The following TMEM132B variants were observed in gnomAD, a reference collection of about 807,000 sequenced individuals.
The protein encoded by TMEM132B is transmembrane protein 132B.
A neutral mutation model predicts 90.8 loss-of-function variants in TMEM132B; 18 were observed. The ratio of observed to expected loss-of-function variants is 0.20; its 90% CI spans 0.14 to 0.29. TMEM132B has a LOEUF of 0.29. Ranked by LOEUF, TMEM132B falls within the 10% of genes least tolerant of loss-of-function variation. The pLI, the probability that TMEM132B is intolerant of heterozygous loss-of-function variation, is 1.00. For missense variants in TMEM132B, 1,096 were observed against 1,326.8 expected (o/e 0.83, Z 2.70); for synonymous variants, 504 against 523.3 (o/e 0.96, Z 0.50).
rs142810353 is a variant in TMEM132B, at chr12:125,653,840, C to T, written c.2382C>T (p.Phe794=). ...AVGKGNVKVK[F]EPSSDEHQGG... is the part of the protein sequence containing the mutation. The stretch of plus-strand genomic sequence containing the variant: ...GTAAAGGAAATGTCAAGGTCAAATT[C>T]GAACCAAGTAGTGATGAGCACCAAG... Residue 794 remains phenylalanine (F), a synonymous_variant, in exon 9 of 9, where the codon TTC becomes TTT. Coordinates refer to ENST00000682704, the MANE Select transcript of TMEM132B (RefSeq NM_001366854.1). The T allele has an allele frequency of 1.4e-3, 2,266 of 1,614,052 alleles. 3 individuals are homozygous for T. The highest frequency in any genetic ancestry group is 1.7e-3 in the Non-Finnish European group (2,049 of 1,180,028).
chr12:125,513,776 T>G (rs1362557825), intron 3 of TMEM132B, among the ~76,000 whole-genome samples: 1 of 152,234 alleles, frequency 6.6e-6, no homozygotes, highest in African/African-American at 2.4e-5. Context: ...ATTTTGAAAT[T>G]TAAGGTGACC....
intron 5 of TMEM132B, among the ~76,000 whole-genome samples, chr12:125,627,631 G>T (rs981883101): frequency 6.6e-6 from 1 of 151,960 alleles, no homozygotes; most frequent in African/African-American, 2.4e-5. Context: ...AGAATGGGAT[G>T]CCCATCCCCT....
intron 3 of TMEM132B, among the ~76,000 whole-genome samples, chr12:125,428,026 C>G (rs1014393017): frequency 6.6e-6 from 1 of 150,442 alleles, no homozygotes; most frequent in Non-Finnish European, 1.5e-5. Context: ...GGAAGAAGGT[C>G]TCTCTGTGTT....
chr12:125,312,824 A>G (rs541948263), intron 1 of TMEM132B, among the ~76,000 whole-genome samples: 2 of 152,202 alleles, frequency 1.3e-5, no homozygotes, highest in South Asian at 2.1e-4. Context: ...CTTCTGTGCT[A>G]TTGAGGAGTT....
intron 2 of TMEM132B, among the ~76,000 whole-genome samples, chr12:125,391,776 GT>G (rs1330789709): frequency 6.6e-6 from 1 of 152,090 alleles, no homozygotes; most frequent in Non-Finnish European, 1.5e-5. Flanking sequence ...TAATTAATTA[GT>G]TTTTTGAGAC....
intron 5 of TMEM132B, among the ~76,000 whole-genome samples, chr12:125,597,943 G>A (rs1461025544): frequency 6.6e-6 from 1 of 152,176 alleles, no homozygotes; most frequent in Non-Finnish European, 1.5e-5. Flanking sequence ...CACCATAAAT[G>A]TGATCTTTAG....
intron 1 of TMEM132B, among the ~76,000 whole-genome samples, chr12:125,267,379 C>T (rs920963431): frequency 2.6e-5 from 4 of 152,150 alleles, no homozygotes; most frequent in African/African-American, 9.7e-5. Flanking sequence ...ATCACTTTGG[C>T]TCATGTCCCA....
chr12:125,578,347 A>G (rs1373113758), intron 4 of TMEM132B, among the ~76,000 whole-genome samples: 1 of 152,158 alleles, frequency 6.6e-6, no homozygotes, highest in African/African-American at 2.4e-5. Flanking sequence ...TTTATACAAC[A>G]TTCATCTTTG....
At chr12:125,558,200 T>C (rs1352701658) in intron 4 of TMEM132B, among the ~76,000 whole-genome samples, 1 of 152,184 alleles carries the variant, frequency 6.6e-6, no homozygotes, top group Non-Finnish European at 1.5e-5. Flanking sequence ...TGAGTGAATC[T>C]GCTAGGTGAC....
At chr12:125,435,462 C>T (rs1880672851) in intron 3 of TMEM132B, among the ~76,000 whole-genome samples, 1 of 152,130 alleles carries the variant, frequency 6.6e-6, no homozygotes, top group South Asian at 2.1e-4. Context: ...ACACATCCTC[C>T]CTGGTCGCCA....
intron 3 of TMEM132B, among the ~76,000 whole-genome samples, chr12:125,489,861 C>T (rs1162620885): frequency 6.6e-6 from 1 of 152,128 alleles, no homozygotes; most frequent in East Asian, 1.9e-4. Context: ...AAGAGGCCTG[C>T]AGTATAATTC....
chr12:125,493,308 T>C (rs1263547634), intron 3 of TMEM132B, among the ~76,000 whole-genome samples: 1 of 152,186 alleles, frequency 6.6e-6, no homozygotes, highest in Non-Finnish European at 1.5e-5. Flanking sequence ...TATTTCAACA[T>C]GCCCCCTTCT....
intron 4 of TMEM132B, among the ~76,000 whole-genome samples, chr12:125,530,340 C>T (rs1294386140): frequency 6.6e-6 from 1 of 151,908 alleles, no homozygotes; most frequent in Non-Finnish European, 1.5e-5. Context: ...CCTCCACTCC[C>T]CGACCCCCAA....
chr12:125,404,472 G>A (rs1428149190), intron 2 of TMEM132B, among the ~76,000 whole-genome samples: 1 of 152,168 alleles, frequency 6.6e-6, no homozygotes, highest in Non-Finnish European at 1.5e-5. Context: ...CAAGGTAGGA[G>A]GCTTAGATGC....
At chr12:125,293,060 G>A (rs1875583085) in intron 1 of TMEM132B, among the ~76,000 whole-genome samples, 1 of 152,168 alleles carries the variant, frequency 6.6e-6, no homozygotes, top group African/African-American at 2.4e-5. Context: ...TTTGGGAGCT[G>A]GGGAGCTCAG....
intron 1 of TMEM132B, among the ~76,000 whole-genome samples, chr12:125,313,026 T>A (rs1257499161): frequency 6.6e-6 from 1 of 152,156 alleles, no homozygotes; most frequent in Non-Finnish European, 1.5e-5. Context: ...TGCATAATTT[T>A]TATTGGACAC....
chr12:125,425,524 A>C (rs573429392), intron 3 of TMEM132B, among the ~76,000 whole-genome samples: 1 of 152,300 alleles, frequency 6.6e-6, no homozygotes, highest in African/African-American at 2.4e-5. Context: ...GCTAATGTAT[A>C]ATGACATTTA....
At chr12:125,542,263 G>T (rs1826646681) in intron 4 of TMEM132B, among the ~76,000 whole-genome samples, 1 of 152,154 alleles carries the variant, frequency 6.6e-6, no homozygotes, top group African/African-American at 2.4e-5. Flanking sequence ...GTCTGCTAGG[G>T]TAGAGGTCAG....
intron 1 of TMEM132B, among the ~76,000 whole-genome samples, chr12:125,222,870 A>G (rs1046969068): frequency 1.3e-4 from 20 of 152,230 alleles, no homozygotes; most frequent in South Asian, 1.0e-3. Context: ...GGAGAACTCA[A>G]TGGTCTAGGG....
Sources: gnomAD v4.1 joint callset for allele counts (sites outside exome capture counted in the v4.1 genomes callset) on GRCh38, gnomAD v4.1.1 for gene constraint, MANE v1.5 for transcripts, NCBI Gene and HGNC (gene_info 2026-07-23, HGNC 2026-07-21) for gene names.